Variants in MCF2 observed in about 807,000 individuals in gnomAD.
The protein encoded by MCF2 is MCF.2 cell line derived transforming sequence, also known as proto-oncogene DBL.
MCF2 carries 44 observed loss-of-function variants against 82.5 expected under a neutral mutation model. That is an observed-to-expected ratio of 0.53 (90% CI 0.42 to 0.69). The LOEUF (loss-of-function observed/expected upper bound fraction) is 0.69. Among genes scored for constraint, MCF2 ranks in the 30% least tolerant of loss-of-function variants. The pLI, the probability that MCF2 is intolerant of heterozygous loss-of-function variation, is 0.00. For synonymous variants in MCF2, 217 were observed against 224.9 expected, an observed-to-expected ratio of 0.96 and a Z score of 0.32; for missense variants, 623 against 663.1, an observed-to-expected ratio of 0.94 and a Z score of 0.66.
At chrX:139,635,254 A>T (rs1021362677) in intron 1 of MCF2, among the ~76,000 whole-genome samples, 6 of 111,399 alleles carry the variant, frequency 5.4e-5, no homozygotes, top group African/African-American at 2.0e-4. Flanking sequence ...TAAAGTTAAC[A>T]TGTATACAGA....
chrX:139,603,632 G>T (rs1031044921), intron 15 of MCF2, among the ~76,000 whole-genome samples: 2 of 111,651 alleles, frequency 1.8e-5, no homozygotes, highest in Non-Finnish European at 3.8e-5. Context: ...TCAGGAGATC[G>T]AGACCATCCT....
At chrX:139,628,172 C>T (rs974459786) in intron 4 of MCF2, among the ~76,000 whole-genome samples, 1 of 111,733 alleles carries the variant, frequency 8.9e-6, no homozygotes, top group African/African-American at 3.3e-5. Context: ...GACACATGCA[C>T]TCATACGTCA....
intron 1 of MCF2, among the ~76,000 whole-genome samples, chrX:139,690,397 A>T (rs914764450): frequency 3.7e-5 from 4 of 106,870 alleles, no homozygotes; most frequent in Non-Finnish European, 7.7e-5. Context: ...ATGAGAACAA[A>T]ACGCAAAGTA....
chrX:139,676,530 T>C (rs1291223809), intron 1 of MCF2, among the ~76,000 whole-genome samples: 1 of 111,751 alleles, frequency 8.9e-6, no homozygotes, highest in East Asian at 2.8e-4. Flanking sequence ...TCCTTATGAG[T>C]TCTCACTCCA....
intron 1 of MCF2, among the ~76,000 whole-genome samples, chrX:139,633,655 GT>G (rs1208220145): frequency 2.7e-5 from 3 of 109,586 alleles, no homozygotes; most frequent in Non-Finnish European, 3.8e-5. Context: ...AGGATCATGG[GT>G]TTTTTTTTCC....
chrX:139,585,456 C>A lies in MCF2; in HGVS notation c.2633-278G>T, dbSNP rs182264265. ...CTCCTTACTTCTTTGGGGGCCACAG[C>A]ATAGATGACCTGAGGGAAGTGACCT... is the stretch of plus-strand genomic sequence containing the variant. On this transcript the variant is annotated intron_variant, in intron 23 of 24. Coordinates refer to ENST00000370576, the Ensembl canonical transcript of MCF2. Among the ~76,000 whole-genome samples, 87 of 111,621 alleles carry A rather than the reference C, an allele frequency of 7.8e-4. 1 individual carries two copies. The East Asian group carries it at 0.023, about 30-fold the overall frequency.
At position 139,582,406 on chromosome X, in the gene MCF2, A is replaced by G. The variant is rs1194354861; in HGVS notation, c.*65T>C. 6.9e-6 allele frequency: 8 copies of G among 1,157,494 alleles called. No individual in the cohort carries two copies. In the South Asian group the frequency reaches 1.3e-4, roughly 18 times the overall value. ...TTGAGCTCAATGTCTTTTGCGCAGT[A>G]TTTTTCCAAATGAGCTGAGAAGCAG... is the stretch of plus-strand genomic sequence containing the variant. On this transcript the variant is annotated 3_prime_UTR_variant, in exon 25 of 25. Coordinates refer to ENST00000370576, the Ensembl canonical transcript of MCF2.
chrX:139,629,020 C>T (rs1932835403), intron 4 of MCF2, among the ~76,000 whole-genome samples: 1 of 111,720 alleles, frequency 9.0e-6, no homozygotes, highest in South Asian at 3.7e-4. Flanking sequence ...AACTCGGCCT[C>T]CTGACTCCTC....
chrX:139,598,887 T>C (rs985933923), intron 16 of MCF2, among the ~76,000 whole-genome samples: 10 of 110,685 alleles, frequency 9.0e-5, no homozygotes, highest in African/African-American at 2.9e-4. Context: ...AGAAAAGAAA[T>C]TGGTTGTGCT....
chrX:139,686,831 C>T (rs762707119), intron 1 of MCF2, among the ~76,000 whole-genome samples: 1 of 111,753 alleles, frequency 8.9e-6, no homozygotes, highest in African/African-American at 3.3e-5. Context: ...AGCCTCTTAA[C>T]TGGTTTCACT....
At chrX:139,707,056 G>C (rs2148591996) in intron 1 of MCF2, among the ~76,000 whole-genome samples, 1 of 110,598 alleles carries the variant, frequency 9.0e-6, no homozygotes, top group African/African-American at 3.3e-5. Context: ...TTCAGAAAGA[G>C]ATGTGCAGCT....
rs182740061 is a variant in MCF2, at chrX:139,658,820, C to T, written c.-44-7032G>A. Among the ~76,000 whole-genome samples, 804 of 108,482 alleles carry T rather than the reference C, an allele frequency of 7.4e-3. 6 individuals carry two copies. Among genetic ancestry groups the T allele is most frequent in the African/African-American group, 0.024 (727 of 29,714 alleles). The allele number at this position is 108,482 out of a possible 115,157, so 94.2% of individuals were successfully genotyped here. On this transcript the variant is annotated intron_variant, in intron 1 of 27. Coordinates refer to the MCF2 transcript ENST00000414978. ...CCTCCCAAGTAACTGGGACTACAGGCGCACACCACTATGCCCAGCTAATTT... is the reference window on the plus strand; with the variant it reads ...CCTCCCAAGTAACTGGGACTACAGGTGCACACCACTATGCCCAGCTAATTT...
At chrX:139,624,531 CAAAA>C (rs763780629) in intron 6 of MCF2, among the ~76,000 whole-genome samples, 1 of 47,973 alleles carries the variant, frequency 2.1e-5, no homozygotes. Flanking sequence ...AGAACTGTCT[CAAAA>C]AAAAAAAAAA....
intron 12 of MCF2, 58 bp from the exon 17 acceptor site, chrX:139,605,837 G>A (rs1205623023): frequency 2.3e-6 from 2 of 881,204 alleles, no homozygotes; most frequent in Non-Finnish European, 3.2e-6. Flanking sequence ...ATATTGCAAT[G>A]TTTCAAGTAT....
At chrX:139,655,156 A>AT (rs1238763522) in intron 1 of MCF2, among the ~76,000 whole-genome samples, 1 of 111,603 alleles carries the variant, frequency 9.0e-6, no homozygotes, top group African/African-American at 3.3e-5. Context: ...CGTTATTAGA[A>AT]TTTTTTACTA....
At chrX:139,642,671 A>C (rs1256741030) in exon 1 of MCF2, 1 of 1,102,515 alleles carries the variant, frequency 9.1e-7, no homozygotes, top group African/African-American at 1.9e-5. Context: ...AGTGGCAGCA[A>C]TGCTGGGGAG....
intron 1 of MCF2, among the ~76,000 whole-genome samples, chrX:139,681,857 T>C (rs1935006994): frequency 1.8e-5 from 2 of 112,334 alleles, no homozygotes; most frequent in African/African-American, 6.5e-5. Flanking sequence ...ACACAAACTA[T>C]TAGCAGTGTT....
chrX:139,632,490 A>G, intron 1 of MCF2, 36 bp from the exon 5 acceptor site: 1 of 1,159,177 alleles, frequency 8.6e-7, no homozygotes, highest in Non-Finnish European at 1.2e-6. Context: ...TTGGAAAAAA[A>G]ATTGTCAACA....
intron 1 of MCF2, among the ~76,000 whole-genome samples, chrX:139,678,242 G>A (rs981054769): frequency 1.8e-5 from 2 of 111,837 alleles, no homozygotes; most frequent in Non-Finnish European, 3.8e-5. Context: ...CATTACTTAG[G>A]CGAATATCTT....
Sources: gnomAD v4.1 joint callset for allele counts (sites outside exome capture counted in the v4.1 genomes callset) on GRCh38, gnomAD v4.1.1 for gene constraint, MANE v1.5 for transcripts, NCBI Gene and HGNC (gene_info 2026-07-23, HGNC 2026-07-21) for gene names.